Variants in USP43 observed in about 807,000 individuals in gnomAD.
USP43 encodes the protein ubiquitin specific peptidase 43.
Under a neutral mutation model 90.7 loss-of-function variants are expected in USP43, and 33 were observed. The ratio of observed to expected loss-of-function variants is 0.36; its 90% CI spans 0.28 to 0.49. The LOEUF (loss-of-function observed/expected upper bound fraction) is 0.49, where lower values mean the gene tolerates loss of function less well. USP43 is among the 20% of genes least tolerant of loss of function. The probability of loss-of-function intolerance (pLI) is 0.98; values close to 1 mark genes in which losing one functional copy is unlikely to be tolerated. For missense variants in USP43, 1,274 were observed against 1,476.4 expected, an observed-to-expected ratio of 0.86 and a Z score of 2.25; for synonymous variants, 598 against 615.8, an observed-to-expected ratio of 0.97 and a Z score of 0.43.
At chr17:9,652,212 C>CAAAAAA (rs769295315) in intron 1 of USP43, among the ~76,000 whole-genome samples, 3 of 42,628 alleles carry the variant, frequency 7.0e-5, no homozygotes, top group African/African-American at 1.8e-4. Context: ...GCCCTTAGCG[C>CAAAAAA]AAAAAAAAAA....
intron 12 of USP43, among the ~76,000 whole-genome samples, chr17:9,703,479 G>T (rs1388672877): frequency 6.6e-6 from 1 of 152,224 alleles, no homozygotes. Flanking sequence ...GGGGGTGGTG[G>T]TATGGCAGCA....
chr17:9,680,662 A>G (rs1466760730), intron 6 of USP43, among the ~76,000 whole-genome samples: 2 of 152,066 alleles, frequency 1.3e-5, no homozygotes, highest in Admixed American at 1.3e-4. Flanking sequence ...GGGGCCTAAG[A>G]GTTTGCACAT....
At position 9,709,543 on chromosome 17, in the gene USP43, C is replaced by G. The variant is rs1485055271; in HGVS notation, c.2012-413C>G. Among the ~76,000 whole-genome samples, 2 of 151,900 alleles carry G rather than the reference C, an allele frequency of 1.3e-5. No homozygotes were observed. Among genetic ancestry groups the G allele is most frequent in the African/African-American group, 4.8e-5 (2 of 41,334 alleles). ...CCAGCCTGGTCAACATGGTGAAACCCCATCTCTAATAAAAATATAAATATT... is the reference window on the plus strand; with the variant it reads ...CCAGCCTGGTCAACATGGTGAAACCGCATCTCTAATAAAAATATAAATATT... On this transcript the variant is annotated intron_variant, in intron 12 of 14. Transcript: ENST00000285199. This position sits in a 1 kb window ranked among gnomAD's most constrained non-coding sequence, Gnocchi z 5.0.
chr17:9,699,697 A>C (rs1335484122), intron 9 of USP43, among the ~76,000 whole-genome samples: 4 of 152,074 alleles, frequency 2.6e-5, no homozygotes, highest in Non-Finnish European at 5.9e-5. Context: ...AGGCACTGGG[A>C]TTTTCTATGC....
At chr17:9,670,039 CTTTTTT>C (rs148536442) in intron 3 of USP43, among the ~76,000 whole-genome samples, 1 of 131,554 alleles carries the variant, frequency 7.6e-6, no homozygotes. Context: ...GAGGTGACTG[CTTTTTT>C]TTTTTTTTTT....
In USP43 at chr17:9,729,109, A is replaced by ATT; in HGVS notation, c.*119_*120insTT. On this transcript the variant is annotated 3_prime_UTR_variant, in exon 15 of 15. Coordinates refer to ENST00000285199, the MANE Select transcript of USP43 (RefSeq NM_153210.5). Reference sequence around the variant, plus strand: ...CGTTGTCTTGTAATCTCTAAAAAAAAATTTTTTTTTTTTTGTGGTGGGGGG... The same window carrying ATT: ...CGTTGTCTTGTAATCTCTAAAAAAAATTATTTTTTTTTTTTTGTGGTGGGGGG... 2.6e-6 allele frequency: 3 copies of ATT among 1,152,850 alleles called. No individual in the cohort carries two copies. Among genetic ancestry groups the ATT allele is most frequent in the African/African-American group, 1.6e-5 (1 of 62,342 alleles). 71.4% of individuals were successfully genotyped at this position (1,152,850 alleles called of 1,614,324 possible). A position where few individuals can be genotyped will look rare whatever the true frequency, so the allele number is the denominator to read the frequency against.
chr17:9,680,194 C>T (rs1914071698), intron 5 of USP43, 37 bp from the exon 6 acceptor site: 1 of 1,600,814 alleles, frequency 6.2e-7, no homozygotes. Flanking sequence ...ATTTCTCTTT[C>T]AGAAATCAAG....
chr17:9,660,296 G>A (rs1222894733), intron 2 of USP43, among the ~76,000 whole-genome samples: 17 of 152,034 alleles, frequency 1.1e-4, no homozygotes, highest in South Asian at 2.1e-4. Context: ...AACTACAGGC[G>A]TGTGCCACCA....
chr17:9,650,774 C>A (rs1056585088), intron 1 of USP43, among the ~76,000 whole-genome samples: 1 of 152,154 alleles, frequency 6.6e-6, no homozygotes, highest in Non-Finnish European at 1.5e-5. Flanking sequence ...TAACTGTAAT[C>A]ACCAGGCTGT....
In USP43 at chr17:9,686,931, G is replaced by A. The variant is rs908738033; in HGVS notation, c.1353+22G>A. 8 of 1,601,434 alleles carry A rather than the reference G, an allele frequency of 5.0e-6. No individual in the cohort carries two copies. Among genetic ancestry groups the A allele is most frequent in the Non-Finnish European group, 6.8e-6 (8 of 1,171,334 alleles). The stretch of plus-strand genomic sequence containing the variant: ...ACAGGTCAGTGGTGTGCATGCGTGT[G>A]TGTGTGTGTGCGTGCATGCGCATGT... On this transcript the variant is annotated intron_variant, in intron 8 of 14. Transcript: ENST00000285199. The surrounding 1 kb of genome is among the most constrained non-coding windows in gnomAD (Gnocchi z 5.5).
intron 9 of USP43, among the ~76,000 whole-genome samples, chr17:9,694,705 C>T (rs2151984175): frequency 6.6e-6 from 1 of 152,262 alleles, no homozygotes; most frequent in East Asian, 1.9e-4. Flanking sequence ...TCCCTGCACC[C>T]TCCGCCTTTC....
intron 8 of USP43, among the ~76,000 whole-genome samples, chr17:9,688,020 C>T (rs951874020): frequency 6.6e-6 from 1 of 152,238 alleles, no homozygotes; most frequent in African/African-American, 2.4e-5. Context: ...GAGTCTCACT[C>T]TGTCGCCCAG....
At position 9,709,307 on chromosome 17, in the gene USP43, A is replaced by G. The variant is rs988034416; in HGVS notation, c.2012-649A>G. Among the ~76,000 whole-genome samples the G allele has an allele frequency of 1.3e-5, 2 of 152,194 alleles. No individual in the cohort carries two copies. Among genetic ancestry groups the G allele is most frequent in the Admixed American group, 1.3e-4 (2 of 15,274 alleles). On this transcript the variant is annotated intron_variant, in intron 12 of 14. Transcript: ENST00000285199. This position sits in a 1 kb window ranked among gnomAD's most constrained non-coding sequence, Gnocchi z 5.0. ...GCTTAATCAGAGATATGCATTTTGA[A>G]GCTTCTCAGAAGAAATGGGGTGAAC... is the stretch of plus-strand genomic sequence containing the variant.
At chr17:9,706,890 G>A (rs989204713) in intron 12 of USP43, among the ~76,000 whole-genome samples, 2 of 151,734 alleles carry the variant, frequency 1.3e-5, no homozygotes, top group South Asian at 2.1e-4. Context: ...TGATCTGCCC[G>A]CCTCGGCCTC....
intron 7 of USP43, 90 bp downstream of exon 7, chr17:9,683,048 T>C: frequency 6.7e-7 from 1 of 1,486,784 alleles, no homozygotes; most frequent in Non-Finnish European, 9.1e-7. Context: ...TAAACATTTA[T>C]TCCCAAGGTT....
chr17:9,693,171 G>A lies in USP43; in HGVS notation c.1398G>A (p.Val466=). Reference sequence around the variant, plus strand: ...CCATCCGTGTTGTGGGACTCTCTGTGGCCTGCAGCTATTTGTCTCCGAAGG... The same window carrying A: ...CCATCCGTGTTGTGGGACTCTCTGTAGCCTGCAGCTATTTGTCTCCGAAGG... ...LFSIRVVGLS[V]ACSYLSPKDS... Residue 466 remains valine, a synonymous_variant, in exon 9 of 15, where the codon GTG becomes GTA. Transcript: ENST00000285199. 1 of 1,613,724 alleles carries A rather than the reference G, an allele frequency of 6.2e-7. No individual in the cohort carries two copies. The highest frequency in any genetic ancestry group is 8.5e-7 in the Non-Finnish European group (1 of 1,179,844).
chr17:9,684,148 TAAATAAA>T (rs1395127081), intron 7 of USP43, among the ~76,000 whole-genome samples: 6 of 151,424 alleles, frequency 4.0e-5, no homozygotes, highest in African/African-American at 1.2e-4. Flanking sequence ...AAAAAATTAA[TAAATAAA>T]AAATAAAAAA....
intron 1 of USP43, among the ~76,000 whole-genome samples, chr17:9,651,945 C>T (rs924141180): frequency 3.3e-5 from 5 of 151,950 alleles, no homozygotes; most frequent in Admixed American, 6.6e-5. Flanking sequence ...TCATTTAGAA[C>T]ATATAAAATT....
chr17:9,680,414 G>A, intron 6 of USP43, 48 bp downstream of exon 6: 3 of 1,602,848 alleles, frequency 1.9e-6, no homozygotes, highest in Non-Finnish European at 2.6e-6. Flanking sequence ...ATGAGTTACA[G>A]GTTTCAGAGG....
Sources: allele counts gnomAD v4.1 joint callset (sites outside exome capture counted in the v4.1 genomes callset), GRCh38; gene constraint gnomAD v4.1.1; non-coding constraint Gnocchi (gnomAD v3.1); transcripts MANE v1.5; gene names NCBI Gene and HGNC (gene_info 2026-07-23, HGNC 2026-07-21).